The following BBS9 variants were observed in gnomAD, a reference collection of about 807,000 sequenced individuals.
BBS9 encodes protein PTHB1.
In BBS9, 89 loss-of-function variants were observed where a neutral mutation model predicts 117.7. The observed-to-expected ratio is 0.76, with a 90% CI of 0.64 to 0.90. The LOEUF (loss-of-function observed/expected upper bound fraction) is 0.90, where lower values mean the gene tolerates loss of function less well. BBS9 is among the 40% of genes least tolerant of loss of function. The pLI is 0.00. For synonymous variants in BBS9, 379 were observed against 370.9 expected (o/e 1.02, Z -0.25); for missense variants, 982 against 1,042.2 (o/e 0.94, Z 0.80).
At chr7:33,511,741 A>T (rs1847002478) in intron 20 of BBS9, among the ~76,000 whole-genome samples, 1 of 152,186 alleles carries the variant, frequency 6.6e-6, no homozygotes, top group African/African-American at 2.4e-5. Context: ...TATTTATAAC[A>T]TGTTCAGCAT....
chr7:33,322,479 T>C (rs1356389138), intron 9 of BBS9, among the ~76,000 whole-genome samples: 2 of 151,566 alleles, frequency 1.3e-5, no homozygotes, highest in African/African-American at 4.8e-5. Flanking sequence ...TATTTGTATG[T>C]GTCTAGGAAT....
intron 17 of BBS9, among the ~76,000 whole-genome samples, chr7:33,378,593 G>A (rs1172476355): frequency 6.6e-6 from 1 of 152,202 alleles, no homozygotes; most frequent in Non-Finnish European, 1.5e-5. Flanking sequence ...GAAGAGAAAA[G>A]CTTAGACTTA....
intron 20 of BBS9, among the ~76,000 whole-genome samples, chr7:33,515,499 T>G (rs1847624057): frequency 6.6e-6 from 1 of 152,228 alleles, no homozygotes. Context: ...AAAACTTTCC[T>G]TTTCGACTAA....
At chr7:33,270,711 G>A (rs1799647768) in intron 7 of BBS9, among the ~76,000 whole-genome samples, 2 of 152,172 alleles carry the variant, frequency 1.3e-5, no homozygotes, top group African/African-American at 4.8e-5. Context: ...TTGGCATTAT[G>A]TAAAGAGACC....
intron 21 of BBS9, among the ~76,000 whole-genome samples, chr7:33,626,419 C>T (rs1211484197): frequency 6.6e-6 from 1 of 152,130 alleles, no homozygotes; most frequent in Non-Finnish European, 1.5e-5. Flanking sequence ...ATAAAGGTAC[C>T]TGAAAATGTG....
intron 9 of BBS9, among the ~76,000 whole-genome samples, chr7:33,321,914 T>G (rs76055657): frequency 6.7e-6 from 1 of 149,872 alleles, no homozygotes; most frequent in Non-Finnish European, 1.5e-5. Context: ...TTTTTGAGGG[T>G]TTTTTTTTAT....
intron 9 of BBS9, among the ~76,000 whole-genome samples, chr7:33,283,661 T>G (rs1400549382): frequency 6.6e-6 from 1 of 152,206 alleles, no homozygotes; most frequent in Non-Finnish European, 1.5e-5. Flanking sequence ...GTTTTTGCTA[T>G]GGAGATTTTC....
intron 19 of BBS9, among the ~76,000 whole-genome samples, chr7:33,416,705 A>G (rs1185706485): frequency 6.6e-6 from 1 of 152,184 alleles, no homozygotes; most frequent in Admixed American, 6.5e-5. Flanking sequence ...TAAGGAGTCT[A>G]TAATCTATGG....
rs1164584102 is a variant in BBS9 at position 33,373,754 on chromosome 7, T to C, written c.1789+5892T>C. 3.9e-5 allele frequency among the ~76,000 whole-genome samples: 6 copies of C among 152,184 alleles called. No homozygotes were observed. The East Asian group carries it at 9.6e-4, about 24-fold the overall frequency. ...ATTTTTAACATGCTAGGAAGAGTGA[T>C]TGAATTGAATAAGGTCAAGTTTAAA... On this transcript the variant is annotated intron_variant, in intron 17 of 22. Transcript: ENST00000242067.
chr7:33,328,212 T>G (rs1813241401), intron 9 of BBS9, among the ~76,000 whole-genome samples: 1 of 152,246 alleles, frequency 6.6e-6, no homozygotes, highest in African/African-American at 2.4e-5. Context: ...TTCTGCATCC[T>G]CTGCCCTGTG....
intron 9 of BBS9, chr7:33,314,525 AG>A (rs555961837): frequency 5.5e-6 from 1 of 180,292 alleles, no homozygotes; most frequent in Non-Finnish European, 1.2e-5. Flanking sequence ...GTTGACTTCA[AG>A]GGTTCCATTT....
chr7:33,606,724 C>T (rs1386288730), downstream of BBS9, among the ~76,000 whole-genome samples: 2 of 152,072 alleles, frequency 1.3e-5, no homozygotes, highest in Non-Finnish European at 2.9e-5. Context: ...CACTTCAAGG[C>T]TCATTTTGAA....
chr7:33,359,183 A>G (rs1423093416), intron 16 of BBS9, among the ~76,000 whole-genome samples: 2 of 151,936 alleles, frequency 1.3e-5, no homozygotes, highest in East Asian at 1.9e-4. Flanking sequence ...TAAACTTATT[A>G]GTTTCTTGGG....
At chr7:33,544,696 G>A (rs1470815604) in intron 21 of BBS9, among the ~76,000 whole-genome samples, 1 of 152,192 alleles carries the variant, frequency 6.6e-6, no homozygotes, top group Non-Finnish European at 1.5e-5. Flanking sequence ...GTACTTTCCA[G>A]AAAGCATCAG....
intron 11 of BBS9, among the ~76,000 whole-genome samples, chr7:33,343,644 G>A (rs936651444): frequency 1.1e-4 from 17 of 152,028 alleles, no homozygotes; most frequent in African/African-American, 4.1e-4. Flanking sequence ...GATTACAGGT[G>A]CCTGCCACCA....
At chr7:33,505,398 A>G in intron 19 of BBS9, 65 bp from the exon 20 acceptor site, 2 of 1,501,400 alleles carry the variant, frequency 1.3e-6, no homozygotes, top group Non-Finnish European at 9.3e-7. Flanking sequence ...AGTGTGCCAG[A>G]CATAATTTGT....
At chr7:33,408,771 T>C (rs1830566031) in intron 19 of BBS9, among the ~76,000 whole-genome samples, 1 of 152,222 alleles carries the variant, frequency 6.6e-6, no homozygotes, top group South Asian at 2.1e-4. Flanking sequence ...CTCTCAGTTC[T>C]CTGAGAAATC....
chr7:33,302,511 C>T (rs1806695665), intron 9 of BBS9, among the ~76,000 whole-genome samples: 1 of 152,116 alleles, frequency 6.6e-6, no homozygotes, highest in Admixed American at 6.5e-5. Context: ...CTAGGTTTCT[C>T]AGCATTATTT....
At chr7:33,357,165 T>C (rs17170202) in intron 15 of BBS9, among the ~76,000 whole-genome samples, 26,916 of 151,746 alleles carry the variant, frequency 0.18, 2,540 homozygotes, top group South Asian at 0.21. Context: ...TATTTCAGTA[T>C]GCATGTATGA....
Sources: gnomAD v4.1 joint callset for allele counts (sites outside exome capture counted in the v4.1 genomes callset) on GRCh38, gnomAD v4.1.1 for gene constraint, MANE v1.5 for transcripts, NCBI Gene and HGNC (gene_info 2026-07-23, HGNC 2026-07-21) for gene names.